Variants in ABCA2 observed in about 807,000 individuals in gnomAD.
The protein encoded by ABCA2 is ATP binding cassette subfamily A member 2.
ABCA2 carries 84 observed loss-of-function variants against 262.8 expected under a neutral mutation model. That is an observed-to-expected ratio of 0.32 (90% CI 0.27 to 0.38). The LOEUF is 0.38. ABCA2 is among the 10% of genes least tolerant of loss of function. ABCA2 has a pLI of 1.00. For missense variants in ABCA2, 2,662 were observed against 3,405.9 expected, an observed-to-expected ratio of 0.78 and a Z score of 5.44; for synonymous variants, 1,696 against 1,502.9, an observed-to-expected ratio of 1.13 and a Z score of -2.97.
intron 25 of ABCA2, 51 bp from the exon 26 acceptor site, chr9:137,014,861 T>C (rs1183969213): frequency 1.9e-6 from 3 of 1,574,954 alleles, no homozygotes; most frequent in Admixed American, 1.8e-5. Flanking sequence ...CAGGCAGGAG[T>C]GCGCCCACCT....
At position 137,016,136 on chromosome 9, in the gene ABCA2, G is replaced by T; in HGVS notation, c.3143C>A (p.Ser1048Tyr). ...GATGTCGTGCCCGTAGATGGTGGCG[G>T]AACCCGACGTTGGAGGGAACAGGCC... ...LTGLFPPTSG[S>Y]ATIYGHDIRT... Residue 1048 changes from serine (S) to tyrosine (Y), a missense_variant, in exon 22 of 49, where the codon TCC becomes TAC. Physicochemically the swap from Ser to Tyr is moderately radical, Grantham distance 144 (BLOSUM62 -2). This residue lies in a region of ABCA2 where 180 missense variants were observed against 307.3 expected (regional missense o/e 0.59). Transcript: ENST00000341511. 6.2e-7 allele frequency: 1 copy of T among 1,612,852 alleles called. No homozygotes were observed. The highest frequency in any genetic ancestry group is 1.3e-5 in the African/African-American group (1 of 75,060).
In ABCA2 at chr9:137,008,524, G is replaced by A. The variant is rs374946190; in HGVS notation, c.7167C>T (p.Ser2389=). Residue 2389 remains serine (S), a synonymous_variant, in exon 48 of 49, where the codon AGC becomes AGT. Coordinates refer to ENST00000341511, the MANE Select transcript of ABCA2 (RefSeq NM_001606.5). ...TGGGGGCAGACCGGGGCCGGAGCAG[G>A]CTGAGCAAGCAGCCGAGAGGGGACT... ...ALQSPLGCLL[S]LLRPRSAPTE... 6 of 1,596,812 alleles carry A rather than the reference G, an allele frequency of 3.8e-6. No homozygotes were observed. The highest frequency in any genetic ancestry group is 2.3e-5 in the East Asian group (1 of 44,184).
In ABCA2 at chr9:137,018,706, G is replaced by A; in HGVS notation, c.1819+13C>T. ...CTGTGGGGGGCTGGGGCGGGGCGGG[G>A]AGGGCAGCTCACTGGCAAAAACAGT... On this transcript the variant is annotated intron_variant, in intron 13 of 48. Coordinates refer to ENST00000341511, the MANE Select transcript of ABCA2 (RefSeq NM_001606.5). 3 of 1,300,656 alleles carry A rather than the reference G, an allele frequency of 2.3e-6. No homozygotes were observed. In the South Asian group the frequency reaches 3.5e-5, roughly 15 times the overall value. 80.6% of individuals were successfully genotyped at this position (1,300,656 alleles called of 1,614,324 possible). A position where few individuals can be genotyped will look rare whatever the true frequency, so the allele number is the denominator to read the frequency against.
intron 24 of ABCA2, 60 bp downstream of exon 24, chr9:137,015,354 C>A: frequency 6.7e-7 from 1 of 1,498,152 alleles, no homozygotes; most frequent in Non-Finnish European, 9.0e-7. Context: ...TGTGGATTCT[C>A]AGGTGGGGGT....
chr9:137,007,772 G>T lies in ABCA2; in HGVS notation c.*157C>A. 9.6e-7 allele frequency: 1 copy of T among 1,045,012 alleles called. No individual in the cohort carries two copies. Among genetic ancestry groups the T allele is most frequent in the Non-Finnish European group, 1.4e-6 (1 of 710,308 alleles). 64.7% of individuals were successfully genotyped at this position (1,045,012 alleles called of 1,614,324 possible). ...GCAACCGCAGTGACCACAGGGCATG[G>T]CCGAGTACAGGGGCTGGAGGACCAG... On this transcript the variant is annotated 3_prime_UTR_variant, in exon 49 of 49. Transcript: ENST00000341511.
chr9:137,022,902 G>T, intron 4 of ABCA2, 37 bp from the exon 5 acceptor site: 1 of 1,567,446 alleles, frequency 6.4e-7, no homozygotes. Flanking sequence ...GGATGGGCTG[G>T]GGAGGGGTGG....
chr9:137,021,678 C>A lies in ABCA2; in HGVS notation c.679-68G>T. ...TGTCCCCAACCACTAGGGCCTCAGG[C>A]CTCACCCTGCCCCACCCACTGGCTG... On this transcript the variant is annotated intron_variant, in intron 7 of 48. Coordinates refer to ENST00000341511, the MANE Select transcript of ABCA2 (RefSeq NM_001606.5). The surrounding 1 kb of genome is among the most constrained non-coding windows in gnomAD (Gnocchi z 6.0). 6.8e-7 allele frequency: 1 copy of A among 1,474,568 alleles called. No homozygotes were observed. The highest frequency in any genetic ancestry group is 9.2e-7 in the Non-Finnish European group (1 of 1,092,804). The allele number at this position is 1,474,568 out of a possible 1,614,324, so 91.3% of individuals were successfully genotyped here.
At position 137,007,808 on chromosome 9, in the gene ABCA2, G is replaced by T; in HGVS notation, c.*121C>A. The T allele has an allele frequency of 7.2e-7, 1 of 1,382,692 alleles. No individual in the cohort carries two copies. Among genetic ancestry groups the T allele is most frequent in the Non-Finnish European group, 9.9e-7 (1 of 1,006,894 alleles). The allele number at this position is 1,382,692 out of a possible 1,614,324, so 85.7% of individuals were successfully genotyped here. A position where few individuals can be genotyped will look rare whatever the true frequency, so the allele number is the denominator to read the frequency against. On this transcript the variant is annotated 3_prime_UTR_variant, in exon 49 of 49. Transcript: ENST00000341511. Reference sequence around the variant, plus strand: ...GGGCTGGAGGACCAGAAGCCCCTTGGTCCTGAACCTCCACTCCAGGCCCTG... The same window carrying T: ...GGGCTGGAGGACCAGAAGCCCCTTGTTCCTGAACCTCCACTCCAGGCCCTG...
Position 137,010,288 on chromosome 9 carries a change from G to GAGCCC in ABCA2, c.6253_6257dup (p.Leu2087GlyfsTer17). The GAGCCC allele has an allele frequency of 1.9e-6, 3 of 1,595,678 alleles. No homozygotes were observed. On this transcript the variant is annotated frameshift_variant, in exon 41 of 49. Transcript: ENST00000341511. LOFTEE classifies it high-confidence loss of function. ...TCTTGCCCGCACCGTTGACGCCCAG[G>GAGCCC]AGCCCGAAGCACTCGCCAGGACGCA...
chr9:137,010,532 A>G, intron 40 of ABCA2, 88 bp downstream of exon 40: 1 of 1,054,226 alleles, frequency 9.5e-7, no homozygotes, highest in Non-Finnish European at 1.2e-6. Flanking sequence ...GGCCCTGCCC[A>G]CCCAGGCTCC....
Position 137,020,350 on chromosome 9 carries a change from G to GGCGC in ABCA2, c.1410_1411insGCGC (p.Arg471AlafsTer67). On this transcript the variant is annotated frameshift_variant, in exon 10 of 49. Coordinates refer to ENST00000341511, the MANE Select transcript of ABCA2 (RefSeq NM_001606.5). LOFTEE classifies it high-confidence loss of function. ...GACCCGTGCACCTTGAGGATGACGC[G>GGCGC]GTCGACCTCAGAGCCCGCAGGCGCG... is the stretch of plus-strand genomic sequence containing the variant. 6.2e-7 allele frequency: 1 copy of GGCGC among 1,612,668 alleles called. No individual in the cohort carries two copies. The highest frequency in any genetic ancestry group is 8.5e-7 in the Non-Finnish European group (1 of 1,179,970).
At position 137,019,087 on chromosome 9, in the gene ABCA2, G is replaced by A. The variant is rs371083913; in HGVS notation, c.1555-17C>T. The A allele has an allele frequency of 6.4e-5, 102 of 1,603,610 alleles. No homozygotes were observed. Among genetic ancestry groups the A allele is most frequent in the Middle Eastern group, 3.3e-4 (2 of 6,044 alleles). On this transcript the variant is annotated splice_polypyrimidine_tract_variant and intron_variant, in intron 11 of 48. Transcript: ENST00000341511. The surrounding 1 kb of genome is among the most constrained non-coding windows in gnomAD (Gnocchi z 4.4). ...TGCTACATACTTGGGGTGGAGGGGC[G>A]GCTCAGAGGGGGACCTGCGCCTGCC...
rs1256952467 is a variant in ABCA2, at chr9:137,016,626, G to A, written c.2871C>T (p.Arg957=). 1 of 1,611,446 alleles carries A rather than the reference G, an allele frequency of 6.2e-7. No individual in the cohort carries two copies. The highest frequency in any genetic ancestry group is 8.5e-7 in the Non-Finnish European group (1 of 1,179,562). The part of the protein sequence containing the change: ...EWSWPWARTP[R]LSVMEEDQAC... ...CCTGGTCCTCCTCCATGACACTGAG[G>A]CGGGGGGTGCGTGCCCACGGCCAGC... The change falls in exon 20 of 49, where the codon CGC becomes CGT. Residue 957 remains arginine, a synonymous_variant. Transcript: ENST00000341511.
At position 137,009,022 on chromosome 9, in the gene ABCA2, T is replaced by G. The variant is rs1564210262; in HGVS notation, c.6859A>C (p.Thr2287Pro). The change falls in exon 46 of 49, where the codon ACC becomes CCC. Residue 2287 changes from threonine (T) to proline (P), a missense_variant. This residue lies in a region of ABCA2 where 212 missense variants were observed against 214.4 expected (regional missense o/e 0.99). Coordinates refer to ENST00000341511, the MANE Select transcript of ABCA2 (RefSeq NM_001606.5). Reference sequence around the variant, plus strand: ...TCCTTCACACTCTGGCTGCTCTTGGTCCGCACCGTGATCATGTAGCCATCT... The same window carrying G: ...TCCTTCACACTCTGGCTGCTCTTGGGCCGCACCGTGATCATGTAGCCATCT... ...FGDGYMITVRTKSSQSVKDVV... is the reference protein window; with the variant it reads ...FGDGYMITVRPKSSQSVKDVV... 6 of 1,608,302 alleles carry G rather than the reference T, an allele frequency of 3.7e-6. No individual in the cohort carries two copies. The highest frequency in any genetic ancestry group is 5.1e-6 in the Non-Finnish European group (6 of 1,179,574).
intron 28 of ABCA2, 42 bp downstream of exon 28, chr9:137,013,790 G>C: frequency 6.4e-7 from 1 of 1,563,350 alleles, no homozygotes; most frequent in Non-Finnish European, 8.7e-7. Context: ...GCGGGCGGTG[G>C]GGGGAGGCAA....
chr9:137,011,867 G>C lies in ABCA2; in HGVS notation c.5512C>G (p.Leu1838Val). The change falls in exon 35 of 49, where the codon CTG becomes GTG. Residue 1838 changes from leucine (L) to valine (V), a missense_variant. By Grantham distance (32) the Leu-to-Val change is conservative. Coordinates refer to ENST00000341511, the MANE Select transcript of ABCA2 (RefSeq NM_001606.5). The surrounding 1 kb of genome is among the most constrained non-coding windows in gnomAD (Gnocchi z 8.8). ...ACCATGTCCCACACGTAGTTCGCCA[G>C]CCAGTAGATGATGGGGTTGCAGCCG... ...VSGCNPIIYW[L>V]ANYVWDMLNY... 6.2e-7 allele frequency: 1 copy of C among 1,606,090 alleles called. No homozygotes were observed. Among genetic ancestry groups the C allele is most frequent in the Non-Finnish European group, 8.5e-7 (1 of 1,177,018 alleles).
In ABCA2 at chr9:137,021,667, A is replaced by AG; in HGVS notation, c.679-58dup. 1 of 1,508,466 alleles carries AG rather than the reference A, an allele frequency of 6.6e-7. No individual in the cohort carries two copies. The highest frequency in any genetic ancestry group is 8.9e-7 in the Non-Finnish European group (1 of 1,120,362). The allele number at this position is 1,508,466 out of a possible 1,614,324, so 93.4% of individuals were successfully genotyped here. A position where few individuals can be genotyped will look rare whatever the true frequency, so the allele number is the denominator to read the frequency against. On this transcript the variant is annotated intron_variant, in intron 7 of 48. Coordinates refer to ENST00000341511, the MANE Select transcript of ABCA2 (RefSeq NM_001606.5). This position sits in a 1 kb window ranked among gnomAD's most constrained non-coding sequence, Gnocchi z 6.0. The stretch of plus-strand genomic sequence containing the variant: ...GGCAAGGACTTTGTCCCCAACCACT[A>AG]GGGCCTCAGGCCTCACCCTGCCCCA...
chr9:137,017,617 T>G lies in ABCA2; in HGVS notation c.2287A>C (p.Ile763Leu). Residue 763 changes from isoleucine (I) to leucine (L), a missense_variant, in exon 17 of 49, where the codon ATC (isoleucine) becomes CTC (leucine). By Grantham distance (5) the Ile-to-Leu change is conservative. Around this residue, in one of 12 missense-constraint regions of ABCA2, gnomAD observed 188 missense variants for 343.4 expected, o/e 0.55. Coordinates refer to ENST00000341511, the MANE Select transcript of ABCA2 (RefSeq NM_001606.5). ...WFITGFVQLS[I>L]SVTALTAILK... ...ATGGCGGTGAGTGCTGTCACGGAGA[T>G]GGACAGCTGCACAAAGCCGGTGATG... The G allele has an allele frequency of 6.2e-7, 1 of 1,612,738 alleles. No homozygotes were observed. Among genetic ancestry groups the G allele is most frequent in the Non-Finnish European group, 8.5e-7 (1 of 1,179,930 alleles).
chr9:137,012,926 C>A lies in ABCA2; in HGVS notation c.4868-1G>T. On this transcript the variant is annotated splice_acceptor_variant, in intron 30 of 48. Coordinates refer to ENST00000341511, the MANE Select transcript of ABCA2 (RefSeq NM_001606.5). LOFTEE classifies it high-confidence loss of function. ...AGGGAGGGTGCCGACGTCCACATTT[C>A]TGTGGGCACAGCATGGTGCGGTGAG... The A allele has an allele frequency of 6.6e-7, 1 of 1,509,232 alleles. No individual in the cohort carries two copies. The highest frequency in any genetic ancestry group is 1.3e-5 in the South Asian group (1 of 78,476). 93.5% of individuals were successfully genotyped at this position (1,509,232 alleles called of 1,614,324 possible).
Sources: gnomAD v4.1 joint callset for allele counts on GRCh38, gnomAD v4.1.1 for gene constraint, gnomAD v4.1.1 regional missense constraint, Gnocchi (gnomAD v3.1) non-coding constraint, MANE v1.5 for transcripts, NCBI Gene and HGNC (gene_info 2026-07-23, HGNC 2026-07-21) for gene names.